Variants in SDC2 observed in about 807,000 individuals in gnomAD.
SDC2 encodes the protein syndecan-2.
SDC2 carries 13 observed loss-of-function variants against 22.2 expected under a neutral mutation model. That is an observed-to-expected ratio of 0.59 (90% CI 0.38 to 0.93). The LOEUF (loss-of-function observed/expected upper bound fraction) is 0.93. SDC2 is among the 40% of genes least tolerant of loss of function. SDC2 has a pLI of 0.00. For synonymous variants in SDC2, 94 were observed against 92.8 expected, an observed-to-expected ratio of 1.01 and a Z score of -0.07; for missense variants, 235 against 246.8, an observed-to-expected ratio of 0.95 and a Z score of 0.32.
intron 1 of SDC2, chr8:96,585,026 AG>A (rs1814658282): frequency 6.6e-6 from 1 of 152,172 alleles, no homozygotes; most frequent in Non-Finnish European, 1.5e-5. Flanking sequence ...AAGAATTGTC[AG>A]TGTGTTCTGC....
intron 1 of SDC2, among the ~76,000 whole-genome samples, chr8:96,567,839 G>A (rs2575711): frequency 0.027 from 4,047 of 152,194 alleles, 178 homozygotes; most frequent in African/African-American, 0.093. Flanking sequence ...GAGCACCTCC[G>A]TTGAGCACAG....
chr8:96,530,205 G>A (rs888176886), intron 1 of SDC2, among the ~76,000 whole-genome samples: 1 of 152,156 alleles, frequency 6.6e-6, no homozygotes, highest in African/African-American at 2.4e-5. Flanking sequence ...ATGGGGTGGA[G>A]TGCATGTGGG....
intron 1 of SDC2, among the ~76,000 whole-genome samples, chr8:96,499,762 CT>C (rs397763001): frequency 9.3e-4 from 133 of 143,516 alleles, no homozygotes; most frequent in Admixed American, 3.5e-3. Context: ...CTCTCTTGGC[CT>C]TTTTTTTTTT....
intron 1 of SDC2, among the ~76,000 whole-genome samples, chr8:96,506,814 A>G (rs939230058): frequency 2.0e-5 from 3 of 152,018 alleles, no homozygotes; most frequent in Non-Finnish European, 4.4e-5. Context: ...GATCCAGACC[A>G]TCCTGGATAA....
intron 1 of SDC2, among the ~76,000 whole-genome samples, chr8:96,531,979 G>A (rs1813669690): frequency 6.6e-6 from 1 of 152,216 alleles, no homozygotes; most frequent in Non-Finnish European, 1.5e-5. Flanking sequence ...ATGACCTCAA[G>A]ATGGTAGCTG....
At chr8:96,571,578 A>G (rs1307975484) in intron 1 of SDC2, among the ~76,000 whole-genome samples, 1 of 152,182 alleles carries the variant, frequency 6.6e-6, no homozygotes, top group Non-Finnish European at 1.5e-5. Context: ...TTCTTTCCCT[A>G]GTGATGTACT....
In SDC2 at chr8:96,593,648, A is replaced by G. The variant is rs192906471; in HGVS notation, c.172+57A>G. 3.7e-5 allele frequency: 41 copies of G among 1,110,946 alleles called. No homozygotes were observed. The Admixed American group carries it at 3.7e-4, about 10-fold the overall frequency. 68.8% of individuals were successfully genotyped at this position (1,110,946 alleles called of 1,614,324 possible). A position where few individuals can be genotyped will look rare whatever the true frequency, so the allele number is the denominator to read the frequency against. Reference sequence around the variant, plus strand: ...ATTCTCCAGGCATGCACGCACACACATTTTACTGTGCTTACTTCAAGGAGA... The same window carrying G: ...ATTCTCCAGGCATGCACGCACACACGTTTTACTGTGCTTACTTCAAGGAGA... On this transcript the variant is annotated intron_variant, in intron 2 of 4. Transcript: ENST00000302190.
intron 2 of SDC2, among the ~76,000 whole-genome samples, chr8:96,594,180 A>G (rs1476271933): frequency 6.6e-6 from 1 of 152,146 alleles, no homozygotes; most frequent in Non-Finnish European, 1.5e-5. Flanking sequence ...AAGGCTACAT[A>G]ATAAACCACC....
At chr8:96,556,052 A>G (rs1586297560) in intron 1 of SDC2, among the ~76,000 whole-genome samples, 1 of 139,366 alleles carries the variant, frequency 7.2e-6, no homozygotes, top group East Asian at 2.2e-4. Flanking sequence ...ACACACACAC[A>G]CACATACACA....
chr8:96,566,747 T>C (rs1298190970), intron 1 of SDC2, among the ~76,000 whole-genome samples: 1 of 151,976 alleles, frequency 6.6e-6, no homozygotes, highest in Non-Finnish European at 1.5e-5. Flanking sequence ...ACCTTATAAT[T>C]TGAGAAGCAT....
Position 96,519,843 on chromosome 8 carries a change from G to A in SDC2, c.60+25512G>A, listed in dbSNP as rs962323931. On this transcript the variant is annotated intron_variant, in intron 1 of 4. Coordinates refer to ENST00000302190, the MANE Select transcript of SDC2 (RefSeq NM_002998.4). ...GAGACAGGGTTTGTTGGCCAAGCTG[G>A]TCTTGAACTCCTGACCTCAAGTGAT... Among the ~76,000 whole-genome samples the A allele has an allele frequency of 3.4e-4, 52 of 152,014 alleles. 3 individuals carry two copies. The highest frequency in any genetic ancestry group is 1.3e-4 in the Non-Finnish European group (9 of 68,002).
At position 96,609,423 on chromosome 8, in the gene SDC2, A is replaced by G; in HGVS notation, c.481A>G (p.Ile161Val). ...AGGVIGFLFA[I>V]FLILLLVYRM... The stretch of plus-strand genomic sequence containing the variant: ...TGGAGTTATTGGCTTTCTCTTTGCA[A>G]TTTTTCTTATCCTGCTGTTGGTGTA... Residue 161 changes from isoleucine to valine, a missense_variant, in exon 5 of 5, where the codon ATT becomes GTT. Transcript: ENST00000302190. The G allele has an allele frequency of 6.2e-7, 1 of 1,612,564 alleles. No individual in the cohort carries two copies. The highest frequency in any genetic ancestry group is 8.5e-7 in the Non-Finnish European group (1 of 1,179,372).
intron 1 of SDC2, among the ~76,000 whole-genome samples, chr8:96,510,027 A>T (rs943039374): frequency 4.6e-5 from 7 of 152,304 alleles, no homozygotes; most frequent in African/African-American, 1.2e-4. Flanking sequence ...GATGTCTTTT[A>T]AAAAAATGCA....
chr8:96,515,415 T>G (rs1052073129), intron 1 of SDC2, among the ~76,000 whole-genome samples: 1 of 152,184 alleles, frequency 6.6e-6, no homozygotes, highest in African/African-American at 2.4e-5. Context: ...TAGCTCGGAT[T>G]TCTTCCTCAC....
At chr8:96,502,431 A>G (rs1469710843) in intron 1 of SDC2, among the ~76,000 whole-genome samples, 1 of 152,230 alleles carries the variant, frequency 6.6e-6, no homozygotes, top group African/African-American at 2.4e-5. Flanking sequence ...CCAGTGTAAC[A>G]TAAAGAACAG....
chr8:96,563,576 AC>A (rs1814247449), intron 1 of SDC2, among the ~76,000 whole-genome samples: 1 of 152,108 alleles, frequency 6.6e-6, no homozygotes, highest in Admixed American at 6.6e-5. Context: ...ACGGGGCCCA[AC>A]TCCCAGAGTT....
intron 1 of SDC2, among the ~76,000 whole-genome samples, chr8:96,523,439 G>A (rs187114340): frequency 2.3e-3 from 354 of 152,260 alleles, no homozygotes; most frequent in Non-Finnish European, 3.6e-3. Context: ...CTAATGGATG[G>A]GATCTCTGCC....
At chr8:96,520,252 AAAC>A (rs1813475913) in intron 1 of SDC2, among the ~76,000 whole-genome samples, 1 of 152,230 alleles carries the variant, frequency 6.6e-6, no homozygotes, top group African/African-American at 2.4e-5. Context: ...ATTTCCAAGA[AAAC>A]ACAGTATAAT....
rs182141988 is a variant in SDC2 at position 96,505,315 on chromosome 8, T to G, written c.60+10984T>G. On this transcript the variant is annotated intron_variant, in intron 1 of 4. Transcript: ENST00000302190. ...CCTAATTATTTTTATTATTTTTATT[T>G]TTTTTTGAGACAGGGTCTCGCTCTG... Among the ~76,000 whole-genome samples the G allele has an allele frequency of 3.5e-3, 537 of 152,246 alleles. 4 individuals carry two copies. Among genetic ancestry groups the G allele is most frequent in the African/African-American group, 0.012 (511 of 41,528 alleles).
Sources: gnomAD v4.1 joint callset for allele counts (sites outside exome capture counted in the v4.1 genomes callset) on GRCh38, gnomAD v4.1.1 for gene constraint, MANE v1.5 for transcripts, NCBI Gene and HGNC (gene_info 2026-07-23, HGNC 2026-07-21) for gene names.